SLC12A8: variants seen among roughly 807,000 people sequenced by gnomAD.
The protein encoded by SLC12A8 is solute carrier family 12 member 8.
In SLC12A8, 69 loss-of-function variants were observed where a neutral mutation model predicts 75.6. That is an observed-to-expected ratio of 0.91 (90% CI 0.75 to 1.11). SLC12A8 has a LOEUF of 1.11. SLC12A8 is among the 50% of genes most tolerant of loss of function. SLC12A8 has a pLI of 0.00. For missense variants in SLC12A8, 877 were observed against 896.7 expected (o/e 0.98, Z 0.28); for synonymous variants, 365 against 372.8 (o/e 0.98, Z 0.24).
Position 125,212,061 on chromosome 3 carries a change from G to A in SLC12A8, c.-46+639C>T, listed in dbSNP as rs569856103. Among the ~76,000 whole-genome samples the A allele has an allele frequency of 3.3e-5, 5 of 152,220 alleles. No homozygotes were observed. The South Asian group carries it at 6.2e-4, about 19-fold the overall frequency. On this transcript the variant is annotated intron_variant, in intron 1 of 13. Transcript: ENST00000469902. ...GCCTCTCCCCAGCACAGTGCTGCAAGGTAGACGGGGCTCAGGACCCTTTGG... is the reference window on the plus strand; with the variant it reads ...GCCTCTCCCCAGCACAGTGCTGCAAAGTAGACGGGGCTCAGGACCCTTTGG...
Position 125,208,781 on chromosome 3 carries a change from CACACACACACAG to C in SLC12A8, c.51+2506_51+2517del, listed in dbSNP as rs1401188926. Among the ~76,000 whole-genome samples, 197 of 118,110 alleles carry C rather than the reference CACACACACACAG, an allele frequency of 1.7e-3. 1 individual carries two copies. The highest frequency in any genetic ancestry group is 1.0e-3 in the Non-Finnish European group (55 of 52,902). 77.5% of individuals were successfully genotyped at this position (118,110 alleles called of 152,430 possible). A position where few individuals can be genotyped will look rare whatever the true frequency, so the allele number is the denominator to read the frequency against. Reference sequence around the variant, plus strand: ...ACACACACACACACACACACACACACACACACACACAGAGAGAGAGAGAGAGAGAGAGAGAGA... The same window carrying C: ...ACACACACACACACACACACACACACAGAGAGAGAGAGAGAGAGAGAGAGA... On this transcript the variant is annotated intron_variant, in intron 2 of 13. Coordinates refer to ENST00000469902, the MANE Select transcript of SLC12A8 (RefSeq NM_024628.6).
chr3:125,163,581 A>G (rs189806199), intron 5 of SLC12A8, among the ~76,000 whole-genome samples: 233 of 148,962 alleles, frequency 1.6e-3, no homozygotes, highest in African/African-American at 5.1e-3. Flanking sequence ...CCTGGGCAAC[A>G]GAGCGAGACT....
At chr3:125,131,971 C>A (rs56273571) in intron 6 of SLC12A8, among the ~76,000 whole-genome samples, 9,900 of 152,168 alleles carry the variant, frequency 0.065, 845 homozygotes, top group African/African-American at 0.19. Flanking sequence ...AGTACATAGA[C>A]CCTAAGCATA....
At chr3:125,101,269 T>C (rs998460552) in intron 10 of SLC12A8, among the ~76,000 whole-genome samples, 5 of 152,202 alleles carry the variant, frequency 3.3e-5, no homozygotes, top group Admixed American at 6.5e-5. Flanking sequence ...AATCTGGGCT[T>C]CAGCGAAATA....
chr3:125,180,268 T>A (rs1349717477), intron 4 of SLC12A8, among the ~76,000 whole-genome samples: 1 of 152,182 alleles, frequency 6.6e-6, no homozygotes, highest in African/African-American at 2.4e-5. Context: ...CCAAAATATC[T>A]AAGGCCAAAT....
chr3:125,156,562 G>C lies in SLC12A8; in HGVS notation c.623-20780C>G, dbSNP rs113161688. On this transcript the variant is annotated intron_variant, in intron 5 of 13. Transcript: ENST00000469902. ...TTTGTTTGTGTTTAACAAGTATGTGGATGTTCCCGATGGCGGTGGTGGACC... is the reference window on the plus strand; with the variant it reads ...TTTGTTTGTGTTTAACAAGTATGTGCATGTTCCCGATGGCGGTGGTGGACC... Among the ~76,000 whole-genome samples the C allele has an allele frequency of 8.6e-3, 1,313 of 152,326 alleles. 21 individuals are homozygous for C. Among genetic ancestry groups the C allele is most frequent in the African/African-American group, 0.029 (1,225 of 41,560 alleles).
intron 2 of SLC12A8, among the ~76,000 whole-genome samples, chr3:125,203,671 G>A (rs976283782): frequency 2.6e-5 from 4 of 152,220 alleles, no homozygotes; most frequent in African/African-American, 9.6e-5. Context: ...TTGGGACATT[G>A]GTTTGGGAAA....
intron 6 of SLC12A8, among the ~76,000 whole-genome samples, chr3:125,128,825 C>T (rs1195636753): frequency 6.6e-6 from 1 of 152,084 alleles, no homozygotes; most frequent in East Asian, 1.9e-4. Flanking sequence ...TGTGAGGAGA[C>T]CCAGGGGACG....
At chr3:125,184,986 G>C (rs1450605183) in intron 4 of SLC12A8, among the ~76,000 whole-genome samples, 3 of 152,166 alleles carry the variant, frequency 2.0e-5, no homozygotes, top group Admixed American at 6.5e-5. Flanking sequence ...AAAATCTATA[G>C]ACAATTAATA....
At chr3:125,102,716 C>A (rs557118943) in intron 10 of SLC12A8, among the ~76,000 whole-genome samples, 1 of 152,106 alleles carries the variant, frequency 6.6e-6, no homozygotes, top group Non-Finnish European at 1.5e-5. Context: ...AGACTGTCCA[C>A]GTCTCTCCTG....
intron 3 of SLC12A8, 44 bp downstream of exon 3, chr3:125,190,331 T>G: frequency 6.2e-7 from 1 of 1,608,202 alleles, no homozygotes. Context: ...AGCTTTCCTG[T>G]CTTGGGCCCG....
intron 2 of SLC12A8, among the ~76,000 whole-genome samples, chr3:125,194,431 G>C (rs573680332): frequency 3.3e-5 from 5 of 151,896 alleles, no homozygotes; most frequent in African/African-American, 7.2e-5. Flanking sequence ...TGAGCGAGGT[G>C]GGGGGCAGAT....
Position 125,091,376 on chromosome 3 carries a change from T to G in SLC12A8, c.1921+63A>C, listed in dbSNP as rs560186510. The G allele has an allele frequency of 7.2e-6, 8 of 1,104,792 alleles. No homozygotes were observed. In the South Asian group the frequency reaches 8.8e-5, roughly 12 times the overall value. 68.4% of individuals were successfully genotyped at this position (1,104,792 alleles called of 1,614,324 possible). A position where few individuals can be genotyped will look rare whatever the true frequency, so the allele number is the denominator to read the frequency against. ...GCATTCAATTGATATTCAAAATCTT[T>G]TTTTTCCCAATGAATGGTAGAGAGA... On this transcript the variant is annotated intron_variant, in intron 12 of 13. Coordinates refer to ENST00000469902, the MANE Select transcript of SLC12A8 (RefSeq NM_024628.6).
At chr3:125,201,073 C>T (rs768728466) in intron 2 of SLC12A8, among the ~76,000 whole-genome samples, 2 of 152,058 alleles carry the variant, frequency 1.3e-5, no homozygotes, top group Non-Finnish European at 2.9e-5. Flanking sequence ...TCTGACTGTT[C>T]GTGTGGGGAA....
At position 125,092,152 on chromosome 3, in the gene SLC12A8, T is replaced by A; in HGVS notation, c.1752A>T (p.Arg584Ser). ...SRLQEQDVWR[R>S]STSFYTHMCN... is the part of the protein sequence containing the mutation. ...ACATGTGGGTATAGAAAGAAGTGGA[T>A]CTTCTCCAGACATCTTGTTCTTGGA... The change falls in exon 11 of 14, where the codon AGA (arginine) becomes AGT (serine). Residue 584 changes from arginine to serine, a missense_variant. Arg to Ser is a moderately radical substitution (Grantham distance 110). Coordinates refer to ENST00000469902, the MANE Select transcript of SLC12A8 (RefSeq NM_024628.6). The A allele has an allele frequency of 6.2e-7, 1 of 1,613,182 alleles. No homozygotes were observed. Among genetic ancestry groups the A allele is most frequent in the Admixed American group, 1.7e-5 (1 of 59,984 alleles).
intron 4 of SLC12A8, among the ~76,000 whole-genome samples, chr3:125,179,921 T>C (rs1358838592): frequency 6.6e-6 from 1 of 152,152 alleles, no homozygotes; most frequent in Non-Finnish European, 1.5e-5. Flanking sequence ...ATGACAAAAA[T>C]GTAGCAATGG....
intron 5 of SLC12A8, among the ~76,000 whole-genome samples, chr3:125,174,015 C>G (rs950125909): frequency 7.2e-5 from 11 of 152,162 alleles, no homozygotes; most frequent in Non-Finnish European, 2.9e-5. Context: ...TTGCTTAAAC[C>G]CGGGAGGCAG....
chr3:125,125,723 A>T (rs2107754433), intron 6 of SLC12A8, among the ~76,000 whole-genome samples: 1 of 152,368 alleles, frequency 6.6e-6, no homozygotes. Context: ...CTAATTGCTA[A>T]CAGAACCAGC....
At chr3:125,189,054 T>G (rs914218029) in intron 3 of SLC12A8, among the ~76,000 whole-genome samples, 8 of 152,218 alleles carry the variant, frequency 5.3e-5, no homozygotes, top group Non-Finnish European at 1.2e-4. Flanking sequence ...CAAACACTAG[T>G]CTAAATGTTG....
Sources: gnomAD v4.1 joint callset for allele counts (sites outside exome capture counted in the v4.1 genomes callset) on GRCh38, gnomAD v4.1.1 for gene constraint, MANE v1.5 for transcripts, NCBI Gene and HGNC (gene_info 2026-07-23, HGNC 2026-07-21) for gene names.